Variants in HS3ST4 observed in about 807,000 individuals in gnomAD.
HS3ST4 encodes the protein heparan sulfate glucosamine 3-O-sulfotransferase 4.
HS3ST4 carries 17 observed loss-of-function variants against 29.2 expected under a neutral mutation model. The ratio of observed to expected loss-of-function variants is 0.58; its 90% CI spans 0.40 to 0.87. The LOEUF is 0.87. Among genes scored for constraint, HS3ST4 ranks in the 40% least tolerant of loss-of-function variants. The pLI is 0.00. For missense variants in HS3ST4, 627 were observed against 634.5 expected (o/e 0.99, Z 0.13); for synonymous variants, 314 against 285.7 (o/e 1.10, Z -1.00).
chr16:25,860,389 A>C (rs1039812819), intron 1 of HS3ST4, among the ~76,000 whole-genome samples: 1 of 152,206 alleles, frequency 6.6e-6, no homozygotes, highest in Non-Finnish European at 1.5e-5. Flanking sequence ...ACTTATGTCC[A>C]CACAAAAACC....
chr16:25,975,155 C>A (rs570317279), intron 1 of HS3ST4, among the ~76,000 whole-genome samples: 36 of 152,046 alleles, frequency 2.4e-4, no homozygotes, highest in Non-Finnish European at 3.8e-4. Context: ...ATGGATGCAG[C>A]TGGAGGCCAC....
intron 1 of HS3ST4, among the ~76,000 whole-genome samples, chr16:25,978,068 A>C (rs776860514): frequency 6.6e-6 from 1 of 152,208 alleles, no homozygotes; most frequent in Non-Finnish European, 1.5e-5. Flanking sequence ...AATGTCTACC[A>C]TGCAGGAACG....
intron 1 of HS3ST4, among the ~76,000 whole-genome samples, chr16:25,855,432 T>C (rs1967565692): frequency 6.6e-6 from 1 of 152,188 alleles, no homozygotes; most frequent in African/African-American, 2.4e-5. Flanking sequence ...TAAAGATGGC[T>C]TTGCAGGGCC....
chr16:25,808,925 A>G (rs1002367988), intron 1 of HS3ST4, among the ~76,000 whole-genome samples: 1 of 152,170 alleles, frequency 6.6e-6, no homozygotes. Context: ...GTATATAGAC[A>G]TGCAAATGAT....
At chr16:25,846,729 ATATATC>A (rs1320249474) in intron 1 of HS3ST4, among the ~76,000 whole-genome samples, 2 of 152,072 alleles carry the variant, frequency 1.3e-5, no homozygotes, top group African/African-American at 4.8e-5. Flanking sequence ...TTTTGATTAT[ATATATC>A]TATATTTTTA....
At chr16:26,036,467 C>T (rs935347006) in intron 1 of HS3ST4, among the ~76,000 whole-genome samples, 9 of 152,180 alleles carry the variant, frequency 5.9e-5, no homozygotes, top group South Asian at 2.1e-4. Flanking sequence ...AAATTGAGCT[C>T]ATTTGTCTGT....
At chr16:25,832,113 A>T (rs1238456897) in intron 1 of HS3ST4, among the ~76,000 whole-genome samples, 1 of 152,148 alleles carries the variant, frequency 6.6e-6, no homozygotes, top group Non-Finnish European at 1.5e-5. Context: ...TTGCAAACAT[A>T]CATAAAAATA....
intron 1 of HS3ST4, among the ~76,000 whole-genome samples, chr16:26,108,768 A>C (rs1596683913): frequency 6.6e-6 from 1 of 152,374 alleles, no homozygotes; most frequent in South Asian, 2.1e-4. Flanking sequence ...TTTCTCAAAT[A>C]GGCTAGGAAC....
intron 1 of HS3ST4, among the ~76,000 whole-genome samples, chr16:26,061,093 A>G (rs1898469417): frequency 6.6e-6 from 1 of 152,190 alleles, no homozygotes; most frequent in African/African-American, 2.4e-5. Flanking sequence ...TCATGGCAAA[A>G]CGCACACACA....
Position 26,135,828 on chromosome 16 carries a change from A to C in HS3ST4, c.951A>C (p.Lys317Asn), listed in dbSNP as rs1319711074. ...CCACCTTTGAGGTGCTGGCCTTCAAAAACCGGACCCTCGGGCTGATCGATG... is the reference window on the plus strand; with the variant it reads ...CCACCTTTGAGGTGCTGGCCTTCAACAACCGGACCCTCGGGCTGATCGATG... ...EIPTFEVLAF[K>N]NRTLGLIDAS... The change falls in exon 2 of 2, where the codon AAA (lysine) becomes AAC (asparagine). Residue 317 changes from lysine (K) to asparagine (N), a missense_variant. Coordinates refer to ENST00000331351, the MANE Select transcript of HS3ST4 (RefSeq NM_006040.3). The C allele has an allele frequency of 6.2e-7, 1 of 1,614,012 alleles. No homozygotes were observed. Among genetic ancestry groups the C allele is most frequent in the Admixed American group, 1.7e-5 (1 of 60,024 alleles).
chr16:25,964,239 G>T (rs574676764), intron 1 of HS3ST4, among the ~76,000 whole-genome samples: 2 of 151,828 alleles, frequency 1.3e-5, no homozygotes, highest in African/African-American at 2.4e-5. Context: ...AAGGGGAGGA[G>T]TGTGGGGGAT....
chr16:25,827,911 G>C (rs889012710), intron 1 of HS3ST4, among the ~76,000 whole-genome samples: 1 of 152,146 alleles, frequency 6.6e-6, no homozygotes, highest in Non-Finnish European at 1.5e-5. Context: ...AGCAGAGCTC[G>C]TGTTGAAACC....
chr16:25,822,230 G>A (rs1967165062), intron 1 of HS3ST4, among the ~76,000 whole-genome samples: 1 of 152,154 alleles, frequency 6.6e-6, no homozygotes, highest in Admixed American at 6.5e-5. Context: ...CCAAGATCAA[G>A]GTGCCAGCAG....
At chr16:25,895,947 G>C (rs1968059005) in intron 1 of HS3ST4, among the ~76,000 whole-genome samples, 1 of 152,110 alleles carries the variant, frequency 6.6e-6, no homozygotes, top group African/African-American at 2.4e-5. Context: ...AGAAGGCTGG[G>C]GATGGAGGAG....
intron 1 of HS3ST4, among the ~76,000 whole-genome samples, chr16:25,837,215 T>C (rs1307689902): frequency 1.3e-5 from 2 of 152,216 alleles, no homozygotes; most frequent in African/African-American, 4.8e-5. Flanking sequence ...ACTCATTGGA[T>C]GCCATTCAGC....
chr16:25,996,153 T>C (rs1433794292), intron 1 of HS3ST4, among the ~76,000 whole-genome samples: 1 of 152,112 alleles, frequency 6.6e-6, no homozygotes, highest in Non-Finnish European at 1.5e-5. Context: ...CACCTTCTAA[T>C]TGTTGGTTGT....
At chr16:25,716,025 C>T (rs1189688934) in intron 1 of HS3ST4, among the ~76,000 whole-genome samples, 2 of 152,016 alleles carry the variant, frequency 1.3e-5, no homozygotes, top group Non-Finnish European at 2.9e-5. Context: ...TAGACAGCTT[C>T]CCTGTGAAGC....
intron 1 of HS3ST4, among the ~76,000 whole-genome samples, chr16:26,083,562 T>C (rs1480980490): frequency 6.6e-6 from 1 of 152,212 alleles, no homozygotes; most frequent in Non-Finnish European, 1.5e-5. Context: ...ACTCAATTCT[T>C]CTGGTGTAAA....
At chr16:25,972,616 A>G (rs1031929062) in intron 1 of HS3ST4, among the ~76,000 whole-genome samples, 1 of 152,196 alleles carries the variant, frequency 6.6e-6, no homozygotes, top group Admixed American at 6.5e-5. Context: ...AAGTGAGAGG[A>G]CTTGAGAGAG....
Sources: gnomAD v4.1 joint callset for allele counts (sites outside exome capture counted in the v4.1 genomes callset) on GRCh38, gnomAD v4.1.1 for gene constraint, MANE v1.5 for transcripts, NCBI Gene and HGNC (gene_info 2026-07-23, HGNC 2026-07-21) for gene names.